Variants in TSHZ3 observed in about 807,000 individuals in gnomAD.
TSHZ3 encodes the protein teashirt homolog 3.
Under a neutral mutation model 64.5 loss-of-function variants are expected in TSHZ3, and 10 were observed. That is an observed-to-expected ratio of 0.16 (90% confidence interval 0.10 to 0.26). TSHZ3 has a LOEUF of 0.26. Ranked by LOEUF, TSHZ3 falls within the 10% of genes least tolerant of loss-of-function variation. The pLI is 1.00. For missense variants in TSHZ3, 1,242 were observed against 1,421.7 expected, an observed-to-expected ratio of 0.87 and a Z score of 2.03; for synonymous variants, 608 against 593.1, an observed-to-expected ratio of 1.03 and a Z score of -0.36.
At chr19:31,336,391 T>C (rs957994340) in intron 1 of TSHZ3, among the ~76,000 whole-genome samples, 4 of 152,160 alleles carry the variant, frequency 2.6e-5, no homozygotes, top group Non-Finnish European at 5.9e-5. Context: ...GACTCTGTAG[T>C]GCACTTTGTG....
intron 5 of TSHZ3, among the ~76,000 whole-genome samples, chr19:31,165,445 A>G (rs577603838): frequency 7.2e-5 from 11 of 152,284 alleles, no homozygotes; most frequent in African/African-American, 1.7e-4. Context: ...TGGGTGGTCT[A>G]TAAGACCACA....
chr19:31,267,647 AT>A (rs34072601), intron 1 of TSHZ3, among the ~76,000 whole-genome samples: 39,659 of 148,824 alleles, frequency 0.27, 6,377 homozygotes, highest in African/African-American at 0.44. Flanking sequence ...GAATAAGCCC[AT>A]TTTTTTTTTC....
chr19:31,344,417 C>G (rs1917524023), intron 1 of TSHZ3, among the ~76,000 whole-genome samples: 1 of 152,222 alleles, frequency 6.6e-6, no homozygotes, highest in African/African-American at 2.4e-5. Flanking sequence ...TACGACATGA[C>G]CAAAGCTATT....
chr19:31,199,158 C>A (rs1251133222), intron 5 of TSHZ3, among the ~76,000 whole-genome samples: 7 of 152,104 alleles, frequency 4.6e-5, no homozygotes, highest in African/African-American at 1.4e-4. Context: ...GTAATCCCAG[C>A]ACTTTGGGAA....
intron 1 of TSHZ3, among the ~76,000 whole-genome samples, chr19:31,251,016 G>A (rs564840203): frequency 6.6e-6 from 1 of 152,272 alleles, no homozygotes; most frequent in Admixed American, 6.5e-5. Context: ...GGAAGCTGAG[G>A]GTAGAGCCTG....
intron 3 of TSHZ3, among the ~76,000 whole-genome samples, chr19:31,234,487 C>T (rs1331556804): frequency 6.6e-6 from 1 of 152,136 alleles, no homozygotes; most frequent in South Asian, 2.1e-4. Context: ...CTGGCTTTAA[C>T]CATTAACAAT....
intron 5 of TSHZ3, among the ~76,000 whole-genome samples, chr19:31,199,715 G>T (rs1725075333): frequency 8.4e-6 from 1 of 118,708 alleles, no homozygotes; most frequent in African/African-American, 3.3e-5. Flanking sequence ...TAATTGATAA[G>T]CTGGACTTCA....
intron 1 of TSHZ3, among the ~76,000 whole-genome samples, chr19:31,286,246 T>A (rs561723218): frequency 3.3e-5 from 5 of 152,150 alleles, no homozygotes; most frequent in Non-Finnish European, 7.3e-5. Flanking sequence ...ACTGAAGAAC[T>A]TGGCATGCAC....
intron 3 of TSHZ3, among the ~76,000 whole-genome samples, chr19:31,229,272 A>G (rs377245805): frequency 2.0e-5 from 3 of 152,352 alleles, no homozygotes; most frequent in African/African-American, 4.8e-5. Flanking sequence ...CCAAACAGAA[A>G]GATTAGAAAC....
intron 1 of TSHZ3, among the ~76,000 whole-genome samples, chr19:31,345,179 T>C (rs1048559424): frequency 1.3e-5 from 2 of 152,186 alleles, no homozygotes. Context: ...TTGCTCTCAT[T>C]TCGTAGGAAA....
rs371951026 is a variant in TSHZ3, at chr19:31,276,741, T to G, written c.3052A>C (p.Ile1018Leu). The G allele has an allele frequency of 6.2e-7, 1 of 1,613,574 alleles. No individual in the cohort carries two copies. Among genetic ancestry groups the G allele is most frequent in the Non-Finnish European group, 8.5e-7 (1 of 1,179,578 alleles). ...KLSTEQINSQ[I>L]AQTKSPSEKM... ...TCTGACGGTGACTTGGTTTGTGCTATCTGACTGTTAATCTGTTCGGTGGAC... is the reference window on the plus strand; with the variant it reads ...TCTGACGGTGACTTGGTTTGTGCTAGCTGACTGTTAATCTGTTCGGTGGAC... Residue 1018 changes from isoleucine (I) to leucine (L), a missense_variant, in exon 2 of 2, where the codon ATA becomes CTA. By Grantham distance (5) the Ile-to-Leu change is conservative. Coordinates refer to ENST00000240587, the MANE Select transcript of TSHZ3 (RefSeq NM_020856.4).
chr19:31,243,223 C>A (rs914660615), intron 1 of TSHZ3, among the ~76,000 whole-genome samples: 11 of 152,166 alleles, frequency 7.2e-5, no homozygotes, highest in African/African-American at 2.2e-4. Flanking sequence ...GTACTTCATA[C>A]CTGTCATTGA....
chr19:31,248,602 C>A (rs1257348525), intron 1 of TSHZ3, among the ~76,000 whole-genome samples: 1 of 145,570 alleles, frequency 6.9e-6, no homozygotes, highest in Non-Finnish European at 1.5e-5. Context: ...GGCAACACAG[C>A]AAGACCTTAT....
chr19:31,303,956 G>C (rs1398506615), intron 1 of TSHZ3, among the ~76,000 whole-genome samples: 1 of 150,292 alleles, frequency 6.7e-6, no homozygotes, highest in Non-Finnish European at 1.5e-5. Context: ...ACTTCATGAA[G>C]TCCTCACTCT....
intron 1 of TSHZ3, among the ~76,000 whole-genome samples, chr19:31,345,068 G>A (rs969470663): frequency 6.6e-6 from 1 of 152,120 alleles, no homozygotes; most frequent in African/African-American, 2.4e-5. Context: ...ATTCTGGAAG[G>A]TTCTCTTCCC....
intron 4 of TSHZ3, among the ~76,000 whole-genome samples, chr19:31,226,362 TTC>T (rs1422892639): frequency 6.6e-6 from 1 of 152,170 alleles, no homozygotes; most frequent in East Asian, 1.9e-4. Context: ...CCCCACACTG[TTC>T]TCATGGTAGT....
chr19:31,257,515 G>A (rs1975927559), intron 1 of TSHZ3, among the ~76,000 whole-genome samples: 1 of 152,214 alleles, frequency 6.6e-6, no homozygotes, highest in Admixed American at 6.5e-5. Context: ...TGTGGGCAAT[G>A]GGGCTCCACC....
At chr19:31,258,001 T>G (rs1975934725) in intron 1 of TSHZ3, among the ~76,000 whole-genome samples, 2 of 151,952 alleles carry the variant, frequency 1.3e-5, no homozygotes, top group Non-Finnish European at 2.9e-5. Flanking sequence ...GGGGACTGAG[T>G]GAAGGATGGC....
chr19:31,297,700 T>C, intron 1 of TSHZ3, among the ~76,000 whole-genome samples: 1 of 152,100 alleles, frequency 6.6e-6, no homozygotes, highest in Non-Finnish European at 1.5e-5. Context: ...ACTCCTGGCC[T>C]TCAACTCCTC....
Sources: gnomAD v4.1 joint callset for allele counts (sites outside exome capture counted in the v4.1 genomes callset) on GRCh38, gnomAD v4.1.1 for gene constraint, MANE v1.5 for transcripts, NCBI Gene and HGNC (gene_info 2026-07-23, HGNC 2026-07-21) for gene names.